Variants in SYT1 observed in about 807,000 individuals in gnomAD.
SYT1 encodes synaptotagmin 1.
A neutral mutation model predicts 44.8 loss-of-function variants in SYT1; 8 were observed. The observed-to-expected ratio is 0.18, with a 90% CI of 0.10 to 0.32. SYT1 has a LOEUF of 0.32. Ranked by LOEUF, SYT1 falls within the 10% of genes least tolerant of loss-of-function variation. The pLI is 1.00. For synonymous variants in SYT1, 154 were observed against 188.8 expected (o/e 0.82, Z 1.51); for missense variants, 286 against 509.3 (o/e 0.56, Z 4.22).
chr12:79,137,093 T>G (rs909108657), intron 3 of SYT1, among the ~76,000 whole-genome samples: 2 of 139,940 alleles, frequency 1.4e-5, no homozygotes, highest in East Asian at 4.0e-4. Flanking sequence ...TACTTGGAAC[T>G]TTTTTTTTTT....
At chr12:79,431,835 G>A (rs1240926132) in intron 9 of SYT1, among the ~76,000 whole-genome samples, 2 of 152,262 alleles carry the variant, frequency 1.3e-5, no homozygotes, top group African/African-American at 4.8e-5. Context: ...GAGCCACCAT[G>A]ACTGGCCCTT....
At chr12:79,106,496 A>C (rs1439363035) in intron 3 of SYT1, among the ~76,000 whole-genome samples, 1 of 150,768 alleles carries the variant, frequency 6.6e-6, no homozygotes, top group Non-Finnish European at 1.5e-5. Context: ...AAAATTGTTT[A>C]TAATGCTTTT....
chr12:79,047,226 A>G (rs1288011649), intron 2 of SYT1, 71 bp from the exon 3 acceptor site: 6 of 151,660 alleles, frequency 4.0e-5, no homozygotes, highest in Non-Finnish European at 8.9e-5. Flanking sequence ...TAAAATTAAC[A>G]TATTTATGAC....
chr12:79,253,114 A>G (rs1312708341), intron 4 of SYT1, among the ~76,000 whole-genome samples: 2 of 151,944 alleles, frequency 1.3e-5, no homozygotes, highest in Non-Finnish European at 2.9e-5. Flanking sequence ...CTTATATCCA[A>G]CCCTAGACCA....
chr12:79,010,229 A>G (rs1199088812), intron 2 of SYT1, among the ~76,000 whole-genome samples: 1 of 152,162 alleles, frequency 6.6e-6, no homozygotes, highest in Non-Finnish European at 1.5e-5. Flanking sequence ...GATAGAAACA[A>G]ATTGAATGAT....
chr12:79,117,130 T>C, intron 3 of SYT1, among the ~76,000 whole-genome samples: 1 of 152,166 alleles, frequency 6.6e-6, no homozygotes, highest in East Asian at 1.9e-4. Context: ...CAAAGACAGA[T>C]TAGTGAGAGA....
At chr12:79,340,663 T>C (rs1016046138) in intron 8 of SYT1, among the ~76,000 whole-genome samples, 10 of 152,228 alleles carry the variant, frequency 6.6e-5, no homozygotes, top group African/African-American at 2.2e-4. Context: ...CTTTATTTCT[T>C]TCCCTTGCCT....
intron 2 of SYT1, among the ~76,000 whole-genome samples, chr12:78,994,822 A>G (rs1265086060): frequency 2.0e-5 from 3 of 152,144 alleles, no homozygotes; most frequent in Non-Finnish European, 4.4e-5. Flanking sequence ...GGCGTGAGCC[A>G]CTGTGCCCGG....
At chr12:79,065,277 G>C (rs1875755358) in intron 3 of SYT1, among the ~76,000 whole-genome samples, 1 of 152,146 alleles carries the variant, frequency 6.6e-6, no homozygotes, top group African/African-American at 2.4e-5. Flanking sequence ...CCAGATACTA[G>C]GGAAGCTGAA....
At chr12:79,324,234 G>A (rs1412725157) in intron 8 of SYT1, among the ~76,000 whole-genome samples, 1 of 152,112 alleles carries the variant, frequency 6.6e-6, no homozygotes, top group Non-Finnish European at 1.5e-5. Context: ...ACAGGCGTGA[G>A]CCACCGCGCC....
intron 3 of SYT1, among the ~76,000 whole-genome samples, chr12:79,099,595 T>C (rs1016063601): frequency 2.0e-5 from 3 of 152,120 alleles, no homozygotes; most frequent in African/African-American, 7.2e-5. Flanking sequence ...GGGTTTTTAA[T>C]CCTTAAATAG....
chr12:79,247,979 G>A (rs768287691), intron 4 of SYT1, among the ~76,000 whole-genome samples: 35 of 152,136 alleles, frequency 2.3e-4, no homozygotes, highest in Non-Finnish European at 3.4e-4. Context: ...GGTCAATAAA[G>A]ATCTTATTGG....
At position 79,299,556 on chromosome 12, in the gene SYT1, G is replaced by A; in HGVS notation, c.810+5G>A. On this transcript the variant is annotated splice_donor_5th_base_variant and intron_variant, in intron 8 of 10. Coordinates refer to ENST00000261205, the MANE Select transcript of SYT1 (RefSeq NM_005639.3). ...CAAAGTGCTGAGAAGGAAGAGGTAA[G>A]GGAATTACTAGCATTTCTAACATCA... The A allele has an allele frequency of 6.2e-7, 1 of 1,610,578 alleles. No homozygotes were observed. The highest frequency in any genetic ancestry group is 8.5e-7 in the Non-Finnish European group (1 of 1,178,644).
chr12:79,179,189 G>GATATAGATATAGATAGATATAGAT (rs1872197897), intron 3 of SYT1, among the ~76,000 whole-genome samples: 2 of 40,916 alleles, frequency 4.9e-5, no homozygotes, highest in African/African-American at 1.1e-4. Context: ...TATAGATATA[G>GATATAGATATAGATAGATATAGAT]ATATAGATAT....
chr12:78,888,112 A>G (rs1229570353), intron 1 of SYT1, among the ~76,000 whole-genome samples: 1 of 151,930 alleles, frequency 6.6e-6, no homozygotes, highest in Non-Finnish European at 1.5e-5. Flanking sequence ...TTGTAGAATC[A>G]CAGATATTAT....
intron 1 of SYT1, among the ~76,000 whole-genome samples, chr12:78,934,115 T>C (rs1877906685): frequency 6.6e-6 from 1 of 151,716 alleles, no homozygotes; most frequent in Non-Finnish European, 1.5e-5. Context: ...TGTGTGTATA[T>C]ACATATGTGT....
intron 4 of SYT1, among the ~76,000 whole-genome samples, chr12:79,218,633 G>A (rs1261931261): frequency 2.0e-5 from 3 of 152,088 alleles, no homozygotes; most frequent in Non-Finnish European, 4.4e-5. Context: ...TATTATTTAT[G>A]TCCTGTGCCT....
intron 9 of SYT1, among the ~76,000 whole-genome samples, chr12:79,422,077 T>G (rs1869155933): frequency 6.6e-6 from 1 of 152,090 alleles, no homozygotes; most frequent in South Asian, 2.1e-4. Context: ...GTAATTTTAT[T>G]TGCAGCCATG....
At chr12:79,138,712 T>C (rs11836907) in intron 3 of SYT1, among the ~76,000 whole-genome samples, 16,333 of 152,244 alleles carry the variant, frequency 0.11, 1,236 homozygotes, top group African/African-American at 0.22. Flanking sequence ...GGCATACATG[T>C]AGTAGGTTCT....
Sources: gnomAD v4.1 joint callset for allele counts (sites outside exome capture counted in the v4.1 genomes callset) on GRCh38, gnomAD v4.1.1 for gene constraint, MANE v1.5 for transcripts, NCBI Gene and HGNC (gene_info 2026-07-23, HGNC 2026-07-21) for gene names.